The following FAM117B variants were observed in gnomAD, a reference collection of about 807,000 sequenced individuals.
FAM117B encodes the protein protein FAM117B.
Under a neutral mutation model 52.8 loss-of-function variants are expected in FAM117B, and 22 were observed. That is an observed-to-expected ratio of 0.42 (90% confidence interval 0.30 to 0.59). FAM117B has a LOEUF of 0.59. Among genes scored for constraint, FAM117B ranks in the 20% least tolerant of loss-of-function variants. FAM117B has a pLI of 0.22. For synonymous variants in FAM117B, 309 were observed against 324.1 expected, an observed-to-expected ratio of 0.95 and a Z score of 0.50; for missense variants, 678 against 802.6, an observed-to-expected ratio of 0.84 and a Z score of 1.88.
rs1691788919 is a variant in FAM117B at position 202,755,589 on chromosome 2, A to G, written c.1012A>G (p.Thr338Ala). ...TCCTGTAATTCCCATCACCAAATCA[A>G]CAGGCTCCCGGTTCCGGAATAGCGT... ...LIPVIPITKS[T>A]GSRFRNSVEG... Residue 338 changes from threonine to alanine, a missense_variant, in exon 5 of 8, where the codon ACA becomes GCA. By Grantham distance (58) the Thr-to-Ala change is moderately conservative. This residue lies in a region of FAM117B where 583 missense variants were observed against 644.8 expected (regional missense o/e 0.90). Coordinates refer to ENST00000392238, the MANE Select transcript of FAM117B (RefSeq NM_173511.4). 6.8e-6 allele frequency: 11 copies of G among 1,614,168 alleles called. No homozygotes were observed. Among genetic ancestry groups the G allele is most frequent in the Admixed American group, 1.7e-5 (1 of 60,028 alleles).
chr2:202,762,384 A>T (rs181375933), intron 7 of FAM117B, among the ~76,000 whole-genome samples: 1 of 152,324 alleles, frequency 6.6e-6, no homozygotes, highest in Admixed American at 6.5e-5. Context: ...ATAACAGCAC[A>T]TACCATAGCC....
At chr2:202,726,765 T>C (rs890114384) in intron 4 of FAM117B, among the ~76,000 whole-genome samples, 2 of 152,014 alleles carry the variant, frequency 1.3e-5, no homozygotes, top group African/African-American at 2.4e-5. Flanking sequence ...GCGGGGAACA[T>C]CACACACCAG....
At chr2:202,638,590 A>C (rs1689720668) in intron 1 of FAM117B, among the ~76,000 whole-genome samples, 1 of 152,114 alleles carries the variant, frequency 6.6e-6, no homozygotes, top group Non-Finnish European at 1.5e-5. Context: ...TAAATAAATA[A>C]ATAAATCCAG....
intron 4 of FAM117B, among the ~76,000 whole-genome samples, chr2:202,739,754 C>T (rs1691495711): frequency 6.6e-6 from 1 of 152,130 alleles, no homozygotes; most frequent in South Asian, 2.1e-4. Flanking sequence ...ACCACTGTAT[C>T]TGGCCTCTCT....
chr2:202,739,665 C>T (rs1028826664), intron 4 of FAM117B, among the ~76,000 whole-genome samples: 1 of 152,054 alleles, frequency 6.6e-6, no homozygotes, highest in African/African-American at 2.4e-5. Flanking sequence ...CTGTGTTGCC[C>T]AGCCTGGTCT....
chr2:202,765,994 A>G lies in FAM117B; in HGVS notation c.*230A>G, dbSNP rs1691971367. The G allele has an allele frequency of 1.8e-6, 1 of 547,060 alleles. No individual in the cohort carries two copies. The allele number at this position is 547,060 out of a possible 1,614,324, so 33.9% of individuals were successfully genotyped here. A position where few individuals can be genotyped will look rare whatever the true frequency, so the allele number is the denominator to read the frequency against. On this transcript the variant is annotated 3_prime_UTR_variant, in exon 8 of 8. Transcript: ENST00000392238. Reference sequence around the variant, plus strand: ...TTATCAAAGCACTGATTGAAACAAGAAAGGTCTCATTCTTTACCTTTGGAG... The same window carrying G: ...TTATCAAAGCACTGATTGAAACAAGGAAGGTCTCATTCTTTACCTTTGGAG...
chr2:202,655,006 G>A (rs762765778), intron 1 of FAM117B, among the ~76,000 whole-genome samples: 1 of 151,986 alleles, frequency 6.6e-6, no homozygotes, highest in Non-Finnish European at 1.5e-5. Flanking sequence ...ATGTCCCCAG[G>A]ATTAAGATTA....
intron 1 of FAM117B, among the ~76,000 whole-genome samples, chr2:202,669,153 TA>T (rs1454632489): frequency 6.6e-6 from 1 of 152,184 alleles, no homozygotes; most frequent in African/African-American, 2.4e-5. Context: ...AAATTGGTTG[TA>T]AAATGGTGTT....
At chr2:202,686,824 A>G (rs977600488) in intron 1 of FAM117B, among the ~76,000 whole-genome samples, 2 of 150,150 alleles carry the variant, frequency 1.3e-5, no homozygotes, top group African/African-American at 4.8e-5. Context: ...AAAAAGAGGT[A>G]TTAGATAACC....
At position 202,718,159 on chromosome 2, in the gene FAM117B, G is replaced by A. The variant is rs114422253; in HGVS notation, c.754-6758G>A. 8.5e-3 allele frequency among the ~76,000 whole-genome samples: 1,297 copies of A among 151,996 alleles called. 25 individuals carry two copies. Among genetic ancestry groups the A allele is most frequent in the African/African-American group, 0.03 (1,223 of 41,452 alleles). On this transcript the variant is annotated intron_variant, in intron 2 of 7. Coordinates refer to ENST00000392238, the MANE Select transcript of FAM117B (RefSeq NM_173511.4). ...CAGCTTGTGGTTAATGCTGCCTGGCGTGGAACTCACCCTTCAGGGCAGTGG... is the reference window on the plus strand; with the variant it reads ...CAGCTTGTGGTTAATGCTGCCTGGCATGGAACTCACCCTTCAGGGCAGTGG...
At chr2:202,677,624 C>G (rs1240063856) in intron 1 of FAM117B, among the ~76,000 whole-genome samples, 2 of 152,208 alleles carry the variant, frequency 1.3e-5, no homozygotes, top group African/African-American at 2.4e-5. Flanking sequence ...AGCCTTGGCT[C>G]TGTCTCTTAC....
chr2:202,684,288 A>G (rs2114619), intron 1 of FAM117B, among the ~76,000 whole-genome samples: 135,727 of 152,208 alleles, frequency 0.89, 60,627 homozygotes, highest in African/African-American at 0.92. Context: ...AAAAAAATCA[A>G]TATACAGTCC....
chr2:202,746,552 AAAGT>A (rs759362778), intron 4 of FAM117B, among the ~76,000 whole-genome samples: 14 of 152,282 alleles, frequency 9.2e-5, no homozygotes, highest in Admixed American at 5.2e-4. Flanking sequence ...AGGAACTAGA[AAAGT>A]AAGAACAAAC....
At position 202,704,003 on chromosome 2, in the gene FAM117B, T is replaced by C. The variant is rs534299331; in HGVS notation, c.753+7971T>C. 2.6e-5 allele frequency among the ~76,000 whole-genome samples: 4 copies of C among 152,330 alleles called. No homozygotes were observed. In the South Asian group the frequency reaches 8.3e-4, roughly 32 times the overall value. On this transcript the variant is annotated intron_variant, in intron 2 of 7. Transcript: ENST00000392238. ...GTTTGAAAAATTATAGTCGTCCTAG[T>C]AGGTATGTTGTGGTATGTAATTGTT...
At chr2:202,675,724 C>G (rs949651690) in intron 1 of FAM117B, among the ~76,000 whole-genome samples, 2 of 152,024 alleles carry the variant, frequency 1.3e-5, no homozygotes, top group African/African-American at 4.8e-5. Flanking sequence ...GCAGCTCACC[C>G]CTGTAATCCT....
chr2:202,635,282 T>C lies in FAM117B; in HGVS notation c.95T>C (p.Leu32Ser). Residue 32 changes from leucine to serine, a missense_variant, in exon 1 of 8, where the codon TTG becomes TCG. Coordinates refer to ENST00000392238, the MANE Select transcript of FAM117B (RefSeq NM_173511.4). ...ACGGCCGGGGGACCCGGGAGCCGCT[T>C]GCAGCCCATGAGGGCGACGGTTCCG... ...VATAGGPGSR[L>S]QPMRATVPFQ... The C allele has an allele frequency of 7.1e-7, 1 of 1,406,670 alleles. No individual in the cohort carries two copies. Among genetic ancestry groups the C allele is most frequent in the South Asian group, 1.5e-5 (1 of 67,980 alleles). 87.1% of individuals were successfully genotyped at this position (1,406,670 alleles called of 1,614,324 possible).
intron 1 of FAM117B, among the ~76,000 whole-genome samples, chr2:202,689,977 T>TATA (rs973831856): frequency 6.6e-6 from 1 of 152,022 alleles, no homozygotes; most frequent in Non-Finnish European, 1.5e-5. Context: ...GTTCTAAAAA[T>TATA]ATTTATATCT....
intron 4 of FAM117B, among the ~76,000 whole-genome samples, chr2:202,734,452 A>G (rs1006316905): frequency 6.6e-6 from 1 of 152,248 alleles, no homozygotes; most frequent in Non-Finnish European, 1.5e-5. Context: ...TTTTAAAGAA[A>G]TGTCAACCAA....
chr2:202,704,680 C>T (rs1465193959), intron 2 of FAM117B, among the ~76,000 whole-genome samples: 1 of 152,120 alleles, frequency 6.6e-6, no homozygotes, highest in Non-Finnish European at 1.5e-5. Flanking sequence ...CAGCCTCTGC[C>T]TCCCAAGTTC....
Sources: gnomAD v4.1 joint callset for allele counts (sites outside exome capture counted in the v4.1 genomes callset) on GRCh38, gnomAD v4.1.1 for gene constraint, gnomAD v4.1.1 regional missense constraint, MANE v1.5 for transcripts, NCBI Gene and HGNC (gene_info 2026-07-23, HGNC 2026-07-21) for gene names.